Variants in HCN2 observed in about 807,000 individuals in gnomAD.
HCN2 encodes the protein hyperpolarization activated cyclic nucleotide gated potassium and sodium channel 2.
HCN2 carries 20 observed loss-of-function variants against 52.3 expected under a neutral mutation model. The ratio of observed to expected loss-of-function variants is 0.38; its 90% CI spans 0.27 to 0.56. The LOEUF (loss-of-function observed/expected upper bound fraction) is 0.56, where lower values mean the gene tolerates loss of function less well. Among genes scored for constraint, HCN2 ranks in the 20% least tolerant of loss-of-function variants. The probability of loss-of-function intolerance (pLI) is 0.71; values close to 1 mark genes in which losing one functional copy is unlikely to be tolerated. For synonymous variants in HCN2, 694 were observed against 537.0 expected, an observed-to-expected ratio of 1.29 and a Z score of -4.04; for missense variants, 981 against 1,207.7, an observed-to-expected ratio of 0.81 and a Z score of 2.78.
Position 613,710 on chromosome 19 carries a change from T to TGGGGCC in HCN2, c.1826-133_1826-128dup, listed in dbSNP as rs1235347526. The TGGGGCC allele has an allele frequency of 2.9e-4, 46 of 156,462 alleles. 4 individuals carry two copies. The South Asian group carries it at 7.2e-3, about 25-fold the overall frequency. 9.7% of individuals were successfully genotyped at this position (156,462 alleles called of 1,614,324 possible). ...ATGGGGCCGGGGATGGGGCCGGGGATGGGGCCGGGGCCGGCACCAGGGAGA... is the reference window on the plus strand; with the variant it reads ...ATGGGGCCGGGGATGGGGCCGGGGATGGGGCCGGGGCCGGGGCCGGCACCAGGGAGA... On this transcript the variant is annotated intron_variant, in intron 6 of 7. Coordinates refer to ENST00000251287, the MANE Select transcript of HCN2 (RefSeq NM_001194.4).
chr19:594,999 G>C (rs1414687929), intron 1 of HCN2, among the ~76,000 whole-genome samples: 1 of 151,986 alleles, frequency 6.6e-6, no homozygotes, highest in East Asian at 1.9e-4. Context: ...CCAGGAGTTC[G>C]AGACCAGCCT....
chr19:613,334 G>C lies in HCN2; in HGVS notation c.1671G>C (p.Leu557=), dbSNP rs755584817. 3.7e-6 allele frequency: 6 copies of C among 1,612,954 alleles called. No homozygotes were observed. The highest frequency in any genetic ancestry group is 5.1e-6 in the Non-Finnish European group (6 of 1,179,930). Residue 557 remains leucine (L), a synonymous_variant, in exon 6 of 8, where the codon CTG becomes CTC. Transcript: ENST00000251287. The part of the protein sequence containing the change: ...NADPNFVTAM[L]TKLKFEVFQP... ...ACCCCAACTTCGTCACGGCCATGCTGACCAAGCTCAAGTTCGAGGTCTTCC... is the reference window on the plus strand; with the variant it reads ...ACCCCAACTTCGTCACGGCCATGCTCACCAAGCTCAAGTTCGAGGTCTTCC...
At chr19:593,481 A>G (rs1568360600) in intron 1 of HCN2, among the ~76,000 whole-genome samples, 1 of 152,178 alleles carries the variant, frequency 6.6e-6, no homozygotes, top group Non-Finnish European at 1.5e-5. Flanking sequence ...TTAGCTGGGC[A>G]TCGTGACGAG....
Position 596,017 on chromosome 19 carries a change from C to G in HCN2, c.632+5440C>G, listed in dbSNP as rs1024573339. 5.9e-5 allele frequency among the ~76,000 whole-genome samples: 9 copies of G among 152,352 alleles called. No individual in the cohort carries two copies. The East Asian group carries it at 1.7e-3, about 29-fold the overall frequency. ...GCTGAAGACCCCCTGGGCAGGCCCT[C>G]CCCTGGGATCCAAGGGGCTGAGGGT... On this transcript the variant is annotated intron_variant, in intron 1 of 7. Coordinates refer to ENST00000251287, the MANE Select transcript of HCN2 (RefSeq NM_001194.4).
In HCN2 at chr19:613,608, CGGGGATGGGGAT is replaced by C. The variant is rs1211883953; in HGVS notation, c.1825+137_1825+148del. 7.3e-3 allele frequency: 504 copies of C among 68,842 alleles called. 40 individuals carry two copies. Among genetic ancestry groups the C allele is most frequent in the African/African-American group, 0.051 (320 of 6,326 alleles). The allele number at this position is 68,842 out of a possible 1,614,324, so 4.3% of individuals were successfully genotyped here. ...ATGGGGATGGGGATGGGGATGGGGC[CGGGGATGGGGAT>C]GGGGATGGGGATGGGGCCGGGGATG... On this transcript the variant is annotated intron_variant, in intron 6 of 7. Coordinates refer to ENST00000251287, the MANE Select transcript of HCN2 (RefSeq NM_001194.4).
At chr19:602,609 G>C (rs150049629) in intron 1 of HCN2, among the ~76,000 whole-genome samples, 1 of 152,150 alleles carries the variant, frequency 6.6e-6, no homozygotes, top group East Asian at 1.9e-4. Context: ...CCCTGTGCGC[G>C]CCGCCCTGCC....
chr19:596,528 C>T (rs1161048146), intron 1 of HCN2, among the ~76,000 whole-genome samples: 3 of 152,338 alleles, frequency 2.0e-5, no homozygotes, highest in African/African-American at 7.2e-5. Flanking sequence ...GAGGAAGGGG[C>T]CCTCGTAGAG....
rs778645411 is a variant in HCN2, at chr19:610,354, G to C, written c.1533G>C (p.Lys511Asn). Reference sequence around the variant, plus strand: ...ACTATGAGCACCGTTACCAGGGCAAGATGTTTGACGAGGACAGCATCCTGG... The same window carrying C: ...ACTATGAGCACCGTTACCAGGGCAACATGTTTGACGAGGACAGCATCCTGG... ...HDYYEHRYQGKMFDEDSILGE... is the reference protein window; with the variant it reads ...HDYYEHRYQGNMFDEDSILGE... Residue 511 changes from lysine (K) to asparagine (N), a missense_variant, in exon 5 of 8, where the codon AAG becomes AAC. Lys to Asn is a moderately conservative substitution (Grantham distance 94). This residue lies in a region of HCN2 where 282 missense variants were observed against 553.8 expected (regional missense o/e 0.51). Coordinates refer to ENST00000251287, the MANE Select transcript of HCN2 (RefSeq NM_001194.4). 2 of 1,613,690 alleles carry C rather than the reference G, an allele frequency of 1.2e-6. No homozygotes were observed. Among genetic ancestry groups the C allele is most frequent in the African/African-American group, 2.7e-5 (2 of 74,926 alleles).
At position 613,655 on chromosome 19, in the gene HCN2, A is replaced by C. The variant is rs552251850; in HGVS notation, c.1825+167A>C. ...GATGGGGCCGGGGATGGGGATGGGGATGGGGCCGGGGATGGGGATGGGGCC... is the reference window on the plus strand; with the variant it reads ...GATGGGGCCGGGGATGGGGATGGGGCTGGGGCCGGGGATGGGGATGGGGCC... On this transcript the variant is annotated intron_variant, in intron 6 of 7. Coordinates refer to ENST00000251287, the MANE Select transcript of HCN2 (RefSeq NM_001194.4). Among the ~76,000 whole-genome samples the C allele has an allele frequency of 6.6e-3, 50 of 7,586 alleles. 2 individuals are homozygous for C. Among genetic ancestry groups the C allele is most frequent in the Admixed American group, 0.011 (8 of 748 alleles). 5.0% of individuals were successfully genotyped at this position (7,586 alleles called of 152,430 possible).
At chr19:613,793 G>A in intron 6 of HCN2, 59 bp from the exon 7 acceptor site, 5 of 1,427,816 alleles carry the variant, frequency 3.5e-6, no homozygotes, top group Non-Finnish European at 4.6e-6. Context: ...GTGTGCCTGG[G>A]CGGGGAGGGC....
intron 7 of HCN2, among the ~76,000 whole-genome samples, 195 bp from the exon 8 acceptor site, chr19:615,600 A>G (rs551792686): frequency 3.9e-4 from 59 of 152,362 alleles, no homozygotes; most frequent in African/African-American, 1.3e-3. Flanking sequence ...CAGCCTGTAT[A>G]TGGCAGGTAC....
At position 616,303 on chromosome 19, in the gene HCN2, C is replaced by G; in HGVS notation, c.2499C>G (p.Gly833=). The G allele has an allele frequency of 1.8e-6, 2 of 1,106,326 alleles. No homozygotes were observed. The highest frequency in any genetic ancestry group is 7.1e-5 in the East Asian group (1 of 14,022). The allele number at this position is 1,106,326 out of a possible 1,614,324, so 68.5% of individuals were successfully genotyped here. A position where few individuals can be genotyped will look rare whatever the true frequency, so the allele number is the denominator to read the frequency against. The change falls in exon 8 of 8, where the codon GGC becomes GGG. Residue 833 remains glycine (G), a synonymous_variant. Transcript: ENST00000251287. ...CCTCGCTGCCTCACGGCGCCCCCGG[C>G]CCCGCGGCCTCCACACGCCCGGCCA... ...SQPSLPHGAP[G]PAASTRPASS... is the part of the protein sequence containing the mutation.
chr19:590,346 C>A lies in HCN2; in HGVS notation c.401C>A (p.Pro134His). ...SFSCRGAASG[P>H]APGPGPAEEA... ...TCGTGCCGCGGGGCGGCCTCGGGGC[C>A]CGCGCCGGGGCCGGGGCCGGCGGAG... Residue 134 changes from proline to histidine, a missense_variant, in exon 1 of 8, where the codon CCC becomes CAC. Pro to His is a moderately conservative substitution (Grantham distance 77). Coordinates refer to ENST00000251287, the MANE Select transcript of HCN2 (RefSeq NM_001194.4). The surrounding 1 kb of genome is among the most constrained non-coding windows in gnomAD (Gnocchi z 7.2). 9.2e-7 allele frequency: 1 copy of A among 1,083,716 alleles called. No individual in the cohort carries two copies. The highest frequency in any genetic ancestry group is 1.1e-6 in the Non-Finnish European group (1 of 895,234). 67.1% of individuals were successfully genotyped at this position (1,083,716 alleles called of 1,614,324 possible).
chr19:594,177 C>T (rs1477393962), intron 1 of HCN2, among the ~76,000 whole-genome samples: 5 of 150,772 alleles, frequency 3.3e-5, no homozygotes, highest in South Asian at 2.1e-4. Context: ...CTGAGGAGGT[C>T]GCGTTCTCCG....
At chr19:593,492 C>T (rs1232201162) in intron 1 of HCN2, among the ~76,000 whole-genome samples, 3 of 152,240 alleles carry the variant, frequency 2.0e-5, no homozygotes, top group South Asian at 2.1e-4. Context: ...TCGTGACGAG[C>T]GCCTGTAATC....
chr19:607,195 T>C (rs901086106), intron 3 of HCN2, among the ~76,000 whole-genome samples: 1 of 152,178 alleles, frequency 6.6e-6, no homozygotes, highest in Non-Finnish European at 1.5e-5. Flanking sequence ...ATAAATGAAG[T>C]TAGGTCCCAG....
intron 4 of HCN2, among the ~76,000 whole-genome samples, chr19:608,806 G>T (rs1316969210): frequency 6.6e-6 from 1 of 152,160 alleles, no homozygotes; most frequent in Non-Finnish European, 1.5e-5. Flanking sequence ...GGACACGCCG[G>T]TGGCCGGCAG....
chr19:613,498 A>AG lies in HCN2; in HGVS notation c.1825+16dup. 1 of 1,057,534 alleles carries AG rather than the reference A, an allele frequency of 9.5e-7. No individual in the cohort carries two copies. Among genetic ancestry groups the AG allele is most frequent in the East Asian group, 5.4e-5 (1 of 18,454 alleles). 65.5% of individuals were successfully genotyped at this position (1,057,534 alleles called of 1,614,324 possible). Reference sequence around the variant, plus strand: ...GGCTCCTACTTCGGGGGTGAGCTTGAGGGGGGCGCGCCTGGAGGGGGAGGG... The same window carrying AG: ...GGCTCCTACTTCGGGGGTGAGCTTGAGGGGGGGCGCGCCTGGAGGGGGAGGG... On this transcript the variant is annotated intron_variant, in intron 6 of 7. Transcript: ENST00000251287.
rs570183738 is a variant in HCN2, at chr19:613,656, T to C, written c.1825+168T>C. Reference sequence around the variant, plus strand: ...ATGGGGCCGGGGATGGGGATGGGGATGGGGCCGGGGATGGGGATGGGGCCG... The same window carrying C: ...ATGGGGCCGGGGATGGGGATGGGGACGGGGCCGGGGATGGGGATGGGGCCG... On this transcript the variant is annotated intron_variant, in intron 6 of 7. Coordinates refer to ENST00000251287, the MANE Select transcript of HCN2 (RefSeq NM_001194.4). Among the ~76,000 whole-genome samples, 48 of 5,838 alleles carry C rather than the reference T, an allele frequency of 8.2e-3. 2 individuals carry two copies. Among genetic ancestry groups the C allele is most frequent in the Admixed American group, 0.013 (8 of 606 alleles). The allele number at this position is 5,838 out of a possible 152,430, so 3.8% of individuals were successfully genotyped here. A position where few individuals can be genotyped will look rare whatever the true frequency, so the allele number is the denominator to read the frequency against.
Sources: gnomAD v4.1 joint callset for allele counts (sites outside exome capture counted in the v4.1 genomes callset) on GRCh38, gnomAD v4.1.1 for gene constraint, gnomAD v4.1.1 regional missense constraint, Gnocchi (gnomAD v3.1) non-coding constraint, MANE v1.5 for transcripts, NCBI Gene and HGNC (gene_info 2026-07-23, HGNC 2026-07-21) for gene names.